CNTN5: variants seen among roughly 807,000 people sequenced by gnomAD.
CNTN5 encodes contactin-5.
CNTN5 carries 77 observed loss-of-function variants against 129.1 expected under a neutral mutation model. The observed-to-expected ratio is 0.60, with a 90% CI of 0.50 to 0.72. The LOEUF is 0.72. Ranked by LOEUF, CNTN5 falls within the 30% of genes least tolerant of loss-of-function variation. CNTN5 has a pLI of 0.00. For missense variants in CNTN5, 1,478 were observed against 1,328.8 expected (o/e 1.11, Z -1.75); for synonymous variants, 509 against 465.6 (o/e 1.09, Z -1.20).
At chr11:99,907,757 G>A (rs1395838918) in intron 6 of CNTN5, among the ~76,000 whole-genome samples, 1 of 151,878 alleles carries the variant, frequency 6.6e-6, no homozygotes, top group East Asian at 1.9e-4. Flanking sequence ...TTCTATGTTA[G>A]GTTTCTGAGA....
intron 8 of CNTN5, among the ~76,000 whole-genome samples, chr11:99,974,183 A>T (rs1349780): frequency 0.29 from 44,554 of 152,088 alleles, 6,905 homozygotes; most frequent in African/African-American, 0.37. Flanking sequence ...GCAAAACAGC[A>T]TTTTGAGCTT....
In CNTN5 at chr11:100,193,604, C is replaced by G; in HGVS notation, c.1825C>G (p.Leu609Val). ...TTTGGATGTCACTTTCTACTGGACTCTGAAAGGACAGCCTATTGATTTCGA... is the reference window on the plus strand; with the variant it reads ...TTTGGATGTCACTTTCTACTGGACTGTGAAAGGACAGCCTATTGATTTCGA... Reference protein sequence around the residue: ...ASLDVTFYWTLKGQPIDFEEE... With the variant: ...ASLDVTFYWTVKGQPIDFEEE... The change falls in exon 15 of 25, where the codon CTG (leucine) becomes GTG (valine). Residue 609 changes from leucine to valine, a missense_variant. By Grantham distance (32) the Leu-to-Val change is conservative. Transcript: ENST00000524871. The G allele has an allele frequency of 6.2e-7, 1 of 1,612,232 alleles. No homozygotes were observed. Among genetic ancestry groups the G allele is most frequent in the Non-Finnish European group, 8.5e-7 (1 of 1,178,888 alleles).
intron 1 of CNTN5, among the ~76,000 whole-genome samples, chr11:99,192,472 T>C (rs1026718286): frequency 6.6e-6 from 1 of 151,904 alleles, no homozygotes; most frequent in Non-Finnish European, 1.5e-5. Context: ...AAAAACAATA[T>C]ATAAGTAAGT....
intron 6 of CNTN5, among the ~76,000 whole-genome samples, chr11:99,900,893 T>A (rs900465168): frequency 6.6e-6 from 1 of 152,248 alleles, no homozygotes; most frequent in South Asian, 2.1e-4. Flanking sequence ...GCTAGCCTCA[T>A]ACATGTCTCT....
intron 4 of CNTN5, among the ~76,000 whole-genome samples, chr11:99,835,526 T>C (rs1010351871): frequency 6.6e-6 from 1 of 152,126 alleles, no homozygotes; most frequent in Non-Finnish European, 1.5e-5. Flanking sequence ...CTTAATTACA[T>C]GAGTCTATAG....
At chr11:99,270,818 T>C (rs1863135574) in intron 1 of CNTN5, among the ~76,000 whole-genome samples, 1 of 152,002 alleles carries the variant, frequency 6.6e-6, no homozygotes, top group African/African-American at 2.4e-5. Context: ...GGCTCTGTTC[T>C]GTCCTACATA....
At chr11:99,848,434 A>G (rs556742423) in intron 6 of CNTN5, among the ~76,000 whole-genome samples, 1 of 152,270 alleles carries the variant, frequency 6.6e-6, no homozygotes, top group African/African-American at 2.4e-5. Flanking sequence ...AAAAATATAA[A>G]TATTCATTAT....
chr11:99,642,084 G>A (rs367759828), intron 3 of CNTN5, among the ~76,000 whole-genome samples: 15 of 152,268 alleles, frequency 9.9e-5, no homozygotes, highest in African/African-American at 3.6e-4. Flanking sequence ...GTAGCTGATA[G>A]GGAAGATTTC....
In CNTN5 at chr11:99,646,616, T is replaced by C. The variant is rs943688898; in HGVS notation, c.55+90347T>C. Among the ~76,000 whole-genome samples, 8 of 152,116 alleles carry C rather than the reference T, an allele frequency of 5.3e-5. No individual in the cohort carries two copies. The South Asian group carries it at 1.4e-3, about 28-fold the overall frequency. On this transcript the variant is annotated intron_variant, in intron 3 of 24. Transcript: ENST00000524871. ...GGCATGCACTTATGTCCTTAGAAGG[T>C]GTGTCTTCCCTAATATTTTGAGAGC...
At chr11:99,030,432 A>G (rs1483209093) in intron 1 of CNTN5, among the ~76,000 whole-genome samples, 4 of 152,132 alleles carry the variant, frequency 2.6e-5, no homozygotes, top group Non-Finnish European at 4.4e-5. Flanking sequence ...TGATGGTGAC[A>G]TGTTTTATTT....
chr11:99,669,088 G>T (rs1952923313), intron 3 of CNTN5, among the ~76,000 whole-genome samples: 2 of 152,058 alleles, frequency 1.3e-5, no homozygotes, highest in African/African-American at 4.8e-5. Context: ...CTCTTACTTT[G>T]TCTAGTTTTG....
At chr11:99,719,884 G>A (rs1943108929) in intron 3 of CNTN5, among the ~76,000 whole-genome samples, 1 of 152,056 alleles carries the variant, frequency 6.6e-6, no homozygotes. Flanking sequence ...GCACCCATCA[G>A]AAACTACTAT....
At chr11:99,479,834 T>A (rs141821348) in intron 2 of CNTN5, among the ~76,000 whole-genome samples, 357 of 152,222 alleles carry the variant, frequency 2.3e-3, no homozygotes, top group African/African-American at 7.8e-3. Flanking sequence ...AATGGTCTGA[T>A]GAAAATTTTA....
At chr11:100,142,733 A>AT (rs1383681769) in intron 13 of CNTN5, among the ~76,000 whole-genome samples, 1 of 151,870 alleles carries the variant, frequency 6.6e-6, no homozygotes, top group Non-Finnish European at 1.5e-5. Flanking sequence ...TGAACACATT[A>AT]TTTTTTCACT....
At chr11:99,948,216 T>G (rs1444145726) in intron 7 of CNTN5, among the ~76,000 whole-genome samples, 1 of 152,224 alleles carries the variant, frequency 6.6e-6, no homozygotes, top group East Asian at 1.9e-4. Flanking sequence ...TGGACAACTC[T>G]GTAAATCTTA....
At chr11:100,147,356 C>G (rs1287149058) in intron 13 of CNTN5, among the ~76,000 whole-genome samples, 3 of 152,072 alleles carry the variant, frequency 2.0e-5, no homozygotes, top group Non-Finnish European at 4.4e-5. Context: ...ACTTGTAAGA[C>G]CAGTGACAGC....
At chr11:99,322,961 T>A (rs1179923859) in intron 1 of CNTN5, among the ~76,000 whole-genome samples, 1 of 152,152 alleles carries the variant, frequency 6.6e-6, no homozygotes, top group East Asian at 1.9e-4. Flanking sequence ...TGTGAAATAA[T>A]AAGACAACTT....
chr11:99,564,171 C>A (rs1270590705), intron 3 of CNTN5, among the ~76,000 whole-genome samples: 1 of 152,106 alleles, frequency 6.6e-6, no homozygotes, highest in Non-Finnish European at 1.5e-5. Flanking sequence ...AACATTGAAT[C>A]CCTGAGATCA....
chr11:100,056,782 T>C (rs546495447), intron 9 of CNTN5, among the ~76,000 whole-genome samples: 6 of 151,776 alleles, frequency 4.0e-5, no homozygotes, highest in African/African-American at 1.2e-4. Context: ...AGGACCCTTT[T>C]TCCTGCTTCA....
Sources: gnomAD v4.1 joint callset for allele counts (sites outside exome capture counted in the v4.1 genomes callset) on GRCh38, gnomAD v4.1.1 for gene constraint, MANE v1.5 for transcripts, NCBI Gene and HGNC (gene_info 2026-07-23, HGNC 2026-07-21) for gene names.